CNTNAP2: variants seen among roughly 807,000 people sequenced by gnomAD.
CNTNAP2 encodes contactin-associated protein-like 2.
In CNTNAP2, 98 loss-of-function variants were observed where a neutral mutation model predicts 155.2. The ratio of observed to expected loss-of-function variants is 0.63; its 90% CI spans 0.54 to 0.75. The LOEUF (loss-of-function observed/expected upper bound fraction) is 0.75, where lower values mean the gene tolerates loss of function less well. Among genes scored for constraint, CNTNAP2 ranks in the 30% least tolerant of loss-of-function variants. The pLI, the probability that CNTNAP2 is intolerant of heterozygous loss-of-function variation, is 0.00. For missense variants in CNTNAP2, 1,727 were observed against 1,688.1 expected (o/e 1.02, Z -0.40); for synonymous variants, 651 against 631.2 (o/e 1.03, Z -0.47).
chr7:146,728,011 A>G (rs577393082), intron 1 of CNTNAP2, among the ~76,000 whole-genome samples: 2 of 152,270 alleles, frequency 1.3e-5, no homozygotes, highest in South Asian at 4.1e-4. Flanking sequence ...GAAGGGGTCC[A>G]ATGGCTAAAC....
chr7:146,931,387 A>G (rs1424612195), intron 3 of CNTNAP2, among the ~76,000 whole-genome samples: 2 of 149,096 alleles, frequency 1.3e-5, no homozygotes, highest in Non-Finnish European at 3.0e-5. Context: ...TTTGAAACCA[A>G]CGAGAACAAA....
At chr7:148,165,853 T>C (rs1168526369) in intron 17 of CNTNAP2, among the ~76,000 whole-genome samples, 2 of 152,192 alleles carry the variant, frequency 1.3e-5, no homozygotes, top group Non-Finnish European at 2.9e-5. Context: ...ATCATCATTT[T>C]ACAAATGGCT....
intron 9 of CNTNAP2, among the ~76,000 whole-genome samples, chr7:147,309,550 A>G (rs1474087557): frequency 1.3e-5 from 2 of 151,538 alleles, no homozygotes; most frequent in Non-Finnish European, 2.9e-5. Context: ...TTATGTGATT[A>G]TTTTTTCCAC....
chr7:148,191,972 C>T (rs532498989), intron 18 of CNTNAP2, among the ~76,000 whole-genome samples: 2 of 152,122 alleles, frequency 1.3e-5, no homozygotes, highest in Non-Finnish European at 2.9e-5. Flanking sequence ...AAGTGTTTTA[C>T]AACATATATG....
chr7:147,274,874 T>G (rs1369082929), intron 8 of CNTNAP2, among the ~76,000 whole-genome samples: 1 of 152,038 alleles, frequency 6.6e-6, no homozygotes, highest in African/African-American at 2.4e-5. Flanking sequence ...TGAGTCCAGT[T>G]TTTTTAGGCA....
rs540267700 is a variant in CNTNAP2 at position 147,850,921 on chromosome 7, TG to T, written c.2099-52641del. 3.4e-3 allele frequency among the ~76,000 whole-genome samples: 510 copies of T among 152,066 alleles called. 1 individual carries two copies. Among genetic ancestry groups the T allele is most frequent in the Non-Finnish European group, 4.1e-3 (277 of 68,002 alleles). On this transcript the variant is annotated intron_variant, in intron 13 of 23. Transcript: ENST00000361727. ...GGCAACAAAAGCCAAAATTGACAAA[TG>T]GGATCTAATTAAACTAAAGAGCTTC... is the stretch of plus-strand genomic sequence containing the variant.
At chr7:146,971,664 C>G (rs1206576111) in intron 3 of CNTNAP2, among the ~76,000 whole-genome samples, 1 of 152,072 alleles carries the variant, frequency 6.6e-6, no homozygotes, top group African/African-American at 2.4e-5. Context: ...ATTGCCAACT[C>G]CCTGTTGCAT....
At chr7:147,442,511 G>A (rs1797660376) in intron 10 of CNTNAP2, among the ~76,000 whole-genome samples, 1 of 152,152 alleles carries the variant, frequency 6.6e-6, no homozygotes, top group Admixed American at 6.5e-5. Context: ...TCCTGTGGCT[G>A]AGCTGGTACC....
At chr7:147,499,254 C>T (rs1208190701) in intron 11 of CNTNAP2, among the ~76,000 whole-genome samples, 1 of 152,064 alleles carries the variant, frequency 6.6e-6, no homozygotes, top group Non-Finnish European at 1.5e-5. Context: ...ACCAGCCAGG[C>T]ATGGTGGCTC....
chr7:147,550,121 A>G (rs2116762898), intron 11 of CNTNAP2, among the ~76,000 whole-genome samples: 1 of 152,236 alleles, frequency 6.6e-6, no homozygotes. Context: ...AATGCCTTGG[A>G]AAAAATCACT....
chr7:146,615,743 G>C (rs1296687335), intron 1 of CNTNAP2, among the ~76,000 whole-genome samples: 2 of 152,184 alleles, frequency 1.3e-5, no homozygotes, highest in Admixed American at 1.3e-4. Flanking sequence ...CAATATCCTA[G>C]TTCCTTTGTT....
At chr7:146,232,029 T>C (rs555917606) in intron 1 of CNTNAP2, among the ~76,000 whole-genome samples, 62 of 152,250 alleles carry the variant, frequency 4.1e-4, no homozygotes, top group African/African-American at 1.5e-3. Context: ...ATACCCATGC[T>C]AAGGTTCAAG....
At chr7:146,345,625 A>T (rs1794808438) in intron 1 of CNTNAP2, among the ~76,000 whole-genome samples, 1 of 151,980 alleles carries the variant, frequency 6.6e-6, no homozygotes, top group Admixed American at 6.5e-5. Context: ...TCAGCATGAT[A>T]CCTTAGAACC....
chr7:146,670,949 A>T lies in CNTNAP2; in HGVS notation c.98-103322A>T, dbSNP rs142458177. ...CATTCCCTTAATATTAAGTTTAATTATACAGTTTCCACCTGTTCACTTCAA... is the reference window on the plus strand; with the variant it reads ...CATTCCCTTAATATTAAGTTTAATTTTACAGTTTCCACCTGTTCACTTCAA... On this transcript the variant is annotated intron_variant, in intron 1 of 23. Transcript: ENST00000361727. Among the ~76,000 whole-genome samples, 4 of 152,250 alleles carry T rather than the reference A, an allele frequency of 2.6e-5. No homozygotes were observed. The East Asian group carries it at 5.8e-4, about 22-fold the overall frequency.
At chr7:148,127,033 G>C (rs892143493) in intron 16 of CNTNAP2, among the ~76,000 whole-genome samples, 1 of 152,120 alleles carries the variant, frequency 6.6e-6, no homozygotes, top group African/African-American at 2.4e-5. Flanking sequence ...GTCTGGGCAC[G>C]GTGGCTCATG....
At chr7:148,258,048 A>G (rs1585222200) in intron 20 of CNTNAP2, among the ~76,000 whole-genome samples, 1 of 152,350 alleles carries the variant, frequency 6.6e-6, no homozygotes, top group South Asian at 2.1e-4. Context: ...GGCCCTTTTC[A>G]TGTGGATCGT....
At chr7:146,382,430 C>T (rs139595953) in intron 1 of CNTNAP2, among the ~76,000 whole-genome samples, 28 of 152,214 alleles carry the variant, frequency 1.8e-4, no homozygotes, top group African/African-American at 6.7e-4. Context: ...TCATTTTTAT[C>T]TAATTTTTGA....
At chr7:147,620,941 C>T (rs1372396156) in intron 12 of CNTNAP2, among the ~76,000 whole-genome samples, 2 of 152,060 alleles carry the variant, frequency 1.3e-5, no homozygotes, top group Admixed American at 1.3e-4. Flanking sequence ...CATTTAATAA[C>T]TCCAAAAGGT....
chr7:148,257,301 C>T (rs1339806960), intron 20 of CNTNAP2, among the ~76,000 whole-genome samples: 3 of 152,198 alleles, frequency 2.0e-5, no homozygotes, highest in Admixed American at 6.5e-5. Context: ...TAAAGGCATC[C>T]GCCGTGAAAC....
Sources: allele counts gnomAD v4.1 joint callset (sites outside exome capture counted in the v4.1 genomes callset), GRCh38; gene constraint gnomAD v4.1.1; transcripts MANE v1.5; gene names NCBI Gene and HGNC (gene_info 2026-07-23, HGNC 2026-07-21).